COL20A1: variants seen among roughly 807,000 people sequenced by gnomAD.
COL20A1 encodes collagen alpha-1(XX) chain.
COL20A1 carries 164 observed loss-of-function variants against 152.9 expected under a neutral mutation model. That is an observed-to-expected ratio of 1.07 (90% CI 0.94 to 1.22). The LOEUF (loss-of-function observed/expected upper bound fraction) is 1.22, where lower values mean the gene tolerates loss of function less well. Among genes scored for constraint, COL20A1 ranks in the 50% most tolerant of loss-of-function variants. COL20A1 has a pLI of 0.00. For missense variants in COL20A1, 1,873 were observed against 1,744.8 expected, an observed-to-expected ratio of 1.07 and a Z score of -1.31; for synonymous variants, 864 against 756.0, an observed-to-expected ratio of 1.14 and a Z score of -2.34.
intron 2 of COL20A1, among the ~76,000 whole-genome samples, chr20:63,295,762 A>G (rs983637468): frequency 6.6e-6 from 1 of 152,188 alleles, no homozygotes; most frequent in African/African-American, 2.4e-5. Flanking sequence ...CACCTGTCTG[A>G]GCAGCTTCTT....
chr20:63,303,849 C>T (rs942771029), intron 3 of COL20A1, among the ~76,000 whole-genome samples: 3 of 148,658 alleles, frequency 2.0e-5, no homozygotes, highest in Non-Finnish European at 4.5e-5. Flanking sequence ...TCCTCCCTCC[C>T]TTCCTCCCTC....
At chr20:63,314,282 C>T in intron 19 of COL20A1, 81 bp downstream of exon 19, 2 of 1,302,100 alleles carry the variant, frequency 1.5e-6, no homozygotes, top group South Asian at 1.3e-5. Context: ...CAGCTCCAGA[C>T]TCATCCAACC....
chr20:63,324,640 T>C (rs1601439172), intron 27 of COL20A1: 1 of 152,580 alleles, frequency 6.6e-6, no homozygotes, highest in Admixed American at 6.5e-5. Flanking sequence ...GTCGAAAATC[T>C]GACGTGGTCG....
chr20:63,314,249 G>A (rs1052841895), intron 19 of COL20A1, 48 bp downstream of exon 19: 34 of 1,516,604 alleles, frequency 2.2e-5, no homozygotes, highest in African/African-American at 6.9e-5. Context: ...AGCCCCAGCC[G>A]GGCCCTAGAC....
rs1026110968 is a variant in COL20A1 at position 63,332,292 on chromosome 20, C to T, written c.*1576C>T. The T allele has an allele frequency of 1.3e-5, 2 of 152,310 alleles. No homozygotes were observed. Among genetic ancestry groups the T allele is most frequent in the Non-Finnish European group, 2.9e-5 (2 of 68,118 alleles). The allele number at this position is 152,310 out of a possible 1,614,324, so 9.4% of individuals were successfully genotyped here. A position where few individuals can be genotyped will look rare whatever the true frequency, so the allele number is the denominator to read the frequency against. On this transcript the variant is annotated 3_prime_UTR_variant, in exon 36 of 36. Transcript: ENST00000358894. ...TTGAGAGCAGCAGCCCAAGCCAGCC[C>T]CTCCGTCCTGCAGGGAGGACACCTA... is the stretch of plus-strand genomic sequence containing the variant.
chr20:63,315,559 G>A (rs902044446), intron 20 of COL20A1, 120 bp downstream of exon 20: 6 of 970,944 alleles, frequency 6.2e-6, no homozygotes, highest in Admixed American at 2.6e-5. Flanking sequence ...AGGATGTTTG[G>A]GCGGGTTTGT....
chr20:63,315,430 T>C lies in COL20A1; in HGVS notation c.2515T>C (p.Ser839Pro). 6.3e-7 allele frequency: 1 copy of C among 1,578,832 alleles called. No individual in the cohort carries two copies. Among genetic ancestry groups the C allele is most frequent in the Non-Finnish European group, 8.6e-7 (1 of 1,167,402 alleles). The change falls in exon 20 of 36, where the codon TCC becomes CCC. Residue 839 changes from serine (S) to proline (P), a missense_variant. Coordinates refer to ENST00000358894, the MANE Select transcript of COL20A1 (RefSeq NM_020882.4). ...CTGCCCAGCCCTCCGCCCTGACGGCTCCCTCCCAGGTGGGTCCTGCATGCC... is the reference window on the plus strand; with the variant it reads ...CTGCCCAGCCCTCCGCCCTGACGGCCCCCTCCCAGGTGGGTCCTGCATGCC... ...TACPALRPDGSLPGFDLMVAF... is the reference protein window; with the variant it reads ...TACPALRPDGPLPGFDLMVAF...
Position 63,305,989 on chromosome 20 carries a change from CT to C in COL20A1, c.448del (p.Ser150LeufsTer69), listed in dbSNP as rs1568768494. The stretch of plus-strand genomic sequence containing the variant: ...ACGGGGAGCCCAGACCCTGAGCAGG[CT>C]TCTGAGCCCCAAGTTGCCTTCACAC... ...SHTGSPDPEQASEPQVAFTPS... is the reference protein window; with the variant it reads ...SHTGSPDPEQXSEPQVAFTPS... On this transcript the variant is annotated frameshift_variant, in exon 5 of 36. Coordinates refer to ENST00000358894, the MANE Select transcript of COL20A1 (RefSeq NM_020882.4). LOFTEE classifies it high-confidence loss of function. The surrounding 1 kb of genome is among the most constrained non-coding windows in gnomAD (Gnocchi z 4.9). The C allele has an allele frequency of 6.2e-7, 1 of 1,612,622 alleles. No homozygotes were observed. The highest frequency in any genetic ancestry group is 1.3e-5 in the African/African-American group (1 of 74,938).
At chr20:63,312,643 C>T (rs2123405308) in intron 15 of COL20A1, 94 bp downstream of exon 15, 3 of 1,475,790 alleles carry the variant, frequency 2.0e-6, no homozygotes, top group South Asian at 1.3e-5. Context: ...TGGGAGCCTG[C>T]CCTGGGTCAG....
At chr20:63,298,291 A>G (rs925805561) in intron 3 of COL20A1, among the ~76,000 whole-genome samples, 1 of 152,108 alleles carries the variant, frequency 6.6e-6, no homozygotes, top group African/African-American at 2.4e-5. Flanking sequence ...TTTTAATTTC[A>G]ATTTTTAATT....
intron 34 of COL20A1, 199 bp from the exon 35 acceptor site, chr20:63,329,386 A>G (rs2068301821): frequency 3.4e-6 from 2 of 584,822 alleles, no homozygotes; most frequent in Non-Finnish European, 6.1e-6. Context: ...CCCCCCCAGA[A>G]CTGTCATGGA....
In COL20A1 at chr20:63,309,761, C is replaced by T. The variant is rs778864152; in HGVS notation, c.1109C>T (p.Ala370Val). 18 of 1,571,750 alleles carry T rather than the reference C, an allele frequency of 1.1e-5. No homozygotes were observed. The highest frequency in any genetic ancestry group is 1.1e-4 in the African/African-American group (8 of 73,804). Residue 370 changes from alanine to valine, a missense_variant, in exon 10 of 36, where the codon GCG becomes GTG. Ala to Val is a moderately conservative substitution (Grantham distance 64). Coordinates refer to ENST00000358894, the MANE Select transcript of COL20A1 (RefSeq NM_020882.4). ...CCCACTCCCGCTACTCCAGCAGCAG[C>T]GGCTCCAGCCCTGGACACCCTCCCT... ...QGGSPRQGPA[A>V]APALDTLPAP...
intron 1 of COL20A1, among the ~76,000 whole-genome samples, chr20:63,294,472 A>T (rs1480517481): frequency 1.3e-5 from 2 of 151,288 alleles, no homozygotes; most frequent in East Asian, 3.9e-4. Context: ...CTTGTAGCCC[A>T]CTCAGCTCTC....
At chr20:63,309,549 C>A in intron 9 of COL20A1, 52 bp downstream of exon 9, 1 of 1,435,306 alleles carries the variant, frequency 7.0e-7, no homozygotes, top group South Asian at 1.4e-5. Context: ...CTGCTTTGGG[C>A]AAAGGGTTGG....
At chr20:63,293,586 G>A (rs539848958) in intron 1 of COL20A1, among the ~76,000 whole-genome samples, 2 of 152,212 alleles carry the variant, frequency 1.3e-5, no homozygotes, top group East Asian at 3.9e-4. Flanking sequence ...CAGGCTGGAT[G>A]CCTGTGGCCC....
chr20:63,308,555 C>A lies in COL20A1; in HGVS notation c.789C>A (p.Thr263=). The A allele has an allele frequency of 6.2e-7, 1 of 1,601,440 alleles. No homozygotes were observed. The highest frequency in any genetic ancestry group is 8.5e-7 in the Non-Finnish European group (1 of 1,174,554). ...GCTGCTCCCAAGGCCTTGCCCTGAC[C>A]CACGTGCTGGGGCAGAACCTGCAGC... ...GGNTFTGLAL[T]HVLGQNLQPA... The change falls in exon 8 of 36, where the codon ACC becomes ACA. Residue 263 remains threonine, a synonymous_variant. Transcript: ENST00000358894.
Position 63,305,971 on chromosome 20 carries a change from G to T in COL20A1, c.428G>T (p.Ser143Ile). ...GAGCCCACCCCCTCCCACACGGGGAGCCCAGACCCTGAGCAGGCTTCTGAG... is the reference window on the plus strand; with the variant it reads ...GAGCCCACCCCCTCCCACACGGGGATCCCAGACCCTGAGCAGGCTTCTGAG... ...APEPTPSHTG[S>I]PDPEQASEPQ... is the part of the protein sequence containing the mutation. Residue 143 changes from serine to isoleucine, a missense_variant, in exon 5 of 36, where the codon AGC becomes ATC. Physicochemically the swap from Ser to Ile is moderately radical, Grantham distance 142 (BLOSUM62 -2). Coordinates refer to ENST00000358894, the MANE Select transcript of COL20A1 (RefSeq NM_020882.4). The surrounding 1 kb of genome is among the most constrained non-coding windows in gnomAD (Gnocchi z 4.9). The T allele has an allele frequency of 6.2e-7, 1 of 1,612,738 alleles. No homozygotes were observed. Among genetic ancestry groups the T allele is most frequent in the Non-Finnish European group, 8.5e-7 (1 of 1,179,794 alleles).
At chr20:63,326,699 G>A in intron 30 of COL20A1, 53 bp from the exon 31 acceptor site, 4 of 1,252,476 alleles carry the variant, frequency 3.2e-6, no homozygotes, top group Non-Finnish European at 4.2e-6. Context: ...GGCTGAAGTG[G>A]GAGCAGATTT....
rs766451739 is a variant in COL20A1 at position 63,312,946 on chromosome 20, T to C, written c.2076+12T>C. On this transcript the variant is annotated intron_variant, in intron 16 of 35. Coordinates refer to ENST00000358894, the MANE Select transcript of COL20A1 (RefSeq NM_020882.4). Reference sequence around the variant, plus strand: ...GGAAGGCTCACGAGGTGGGCAGGGGTGGGTTTGTCCTTCCGAGGGGCCCCC... The same window carrying C: ...GGAAGGCTCACGAGGTGGGCAGGGGCGGGTTTGTCCTTCCGAGGGGCCCCC... 1.3e-6 allele frequency: 2 copies of C among 1,540,624 alleles called. No homozygotes were observed. The highest frequency in any genetic ancestry group is 2.4e-5 in the South Asian group (2 of 83,802).
Sources: allele counts gnomAD v4.1 joint callset (sites outside exome capture counted in the v4.1 genomes callset), GRCh38; gene constraint gnomAD v4.1.1; non-coding constraint Gnocchi (gnomAD v3.1); transcripts MANE v1.5; gene names NCBI Gene and HGNC (gene_info 2026-07-23, HGNC 2026-07-21).